The following MAP1A variants were observed in gnomAD, a reference collection of about 807,000 sequenced individuals.
MAP1A encodes the protein microtubule-associated protein 1A.
A neutral mutation model predicts 185.9 loss-of-function variants in MAP1A; 42 were observed. The ratio of observed to expected loss-of-function variants is 0.23; its 90% CI spans 0.18 to 0.29. MAP1A has a LOEUF of 0.29. Among genes scored for constraint, MAP1A ranks in the 10% least tolerant of loss-of-function variants. MAP1A has a pLI of 1.00. For synonymous variants in MAP1A, 1,229 were observed against 1,335.9 expected (o/e 0.92, Z 1.74); for missense variants, 2,995 against 3,450.4 (o/e 0.87, Z 3.31).
Position 43,517,629 on chromosome 15 carries a change from G to T in MAP1A, c.-446G>T, listed in dbSNP as rs1417433990. On this transcript the variant is annotated 5_prime_UTR_variant, in exon 1 of 6. Coordinates refer to ENST00000300231, the MANE Select transcript of MAP1A (RefSeq NM_002373.6). ...CCCCACTCCCACCCTAAGTGCTGCA[G>T]ACTCTTCCCTGAAGCTGCCGGCTGA... The T allele has an allele frequency of 1.1e-6, 1 of 933,964 alleles. No homozygotes were observed. The highest frequency in any genetic ancestry group is 1.2e-6 in the Non-Finnish European group (1 of 801,224). 57.9% of individuals were successfully genotyped at this position (933,964 alleles called of 1,614,324 possible).
chr15:43,511,824 C>T (rs1323640678), intron 1 of MAP1A, among the ~76,000 whole-genome samples: 1 of 152,176 alleles, frequency 6.6e-6, no homozygotes. Context: ...AACCTAGAAT[C>T]CTACTTAGCT....
Position 43,523,096 on chromosome 15 carries a change from G to A in MAP1A, c.1623G>A (p.Glu541=), listed in dbSNP as rs773156875. ...AGGACTTTGAGGAGATGAAGCGTGA[G>A]GAGAGGGCTTTGCTGGCTGAACAAA... ...LTQDFEEMKR[E]ERALLAEQRD... The change falls in exon 4 of 6, where the codon GAG becomes GAA. Residue 541 remains glutamate, a synonymous_variant. Transcript: ENST00000300231. 1.2e-6 allele frequency: 2 copies of A among 1,614,196 alleles called. No homozygotes were observed. The highest frequency in any genetic ancestry group is 3.3e-5 in the Admixed American group (2 of 60,024).
Position 43,522,726 on chromosome 15 carries a change from A to C in MAP1A, c.1253A>C (p.Lys418Thr), listed in dbSNP as rs2140205757. ...KISKLEEKKD[K>T]EKKEIKKERK... ...TCAAAGCTGGAAGAAAAAAAAGACA[A>C]GGAGAAAAAAGAGATCAAAAAGGAG... The change falls in exon 4 of 6, where the codon AAG becomes ACG. Residue 418 changes from lysine to threonine, a missense_variant. By Grantham distance (78) the Lys-to-Thr change is moderately conservative. This residue lies in a region of MAP1A where 2,728 missense variants were observed against 2,986.0 expected (regional missense o/e 0.91). Transcript: ENST00000300231. The surrounding 1 kb of genome is among the most constrained non-coding windows in gnomAD (Gnocchi z 5.9). 6.3e-7 allele frequency: 1 copy of C among 1,586,364 alleles called. No individual in the cohort carries two copies. The highest frequency in any genetic ancestry group is 2.3e-5 in the East Asian group (1 of 44,066).
upstream of MAP1A, among the ~76,000 whole-genome samples, chr15:43,516,566 G>C (rs569773649): frequency 6.6e-6 from 1 of 152,318 alleles, no homozygotes; most frequent in East Asian, 1.9e-4. Flanking sequence ...GGGTTGGAAG[G>C]AAGTGCTACC....
chr15:43,524,103 C>T lies in MAP1A; in HGVS notation c.2630C>T (p.Ser877Phe), dbSNP rs1346820310. Residue 877 changes from serine to phenylalanine, a missense_variant, in exon 4 of 6, where the codon TCC becomes TTC. This residue lies in a region of MAP1A where 2,728 missense variants were observed against 2,986.0 expected (regional missense o/e 0.91). Transcript: ENST00000300231. ...CTTGACACAGTCACAAGCATCCCTT[C>T]CTCCCGTACTGAAGCTACGCAGGGC... ...LLLDTVTSIP[S>F]SRTEATQGLD... 1 of 1,614,032 alleles carries T rather than the reference C, an allele frequency of 6.2e-7. No individual in the cohort carries two copies. The highest frequency in any genetic ancestry group is 8.5e-7 in the Non-Finnish European group (1 of 1,180,042).
At position 43,524,887 on chromosome 15, in the gene MAP1A, C is replaced by G. The variant is rs2140207623; in HGVS notation, c.3414C>G (p.Leu1138=). 1.2e-6 allele frequency: 2 copies of G among 1,614,172 alleles called. No individual in the cohort carries two copies. Among genetic ancestry groups the G allele is most frequent in the Non-Finnish European group, 1.7e-6 (2 of 1,180,026 alleles). The stretch of plus-strand genomic sequence containing the variant: ...GCAAACCTCAGAAAGATGAGGTGCT[C>G]AGATATCCTGACCGAAGCCTCTCTC... ...EPGKPQKDEV[L]RYPDRSLSPE... The change falls in exon 4 of 6, where the codon CTC becomes CTG. Residue 1138 remains leucine (L), a synonymous_variant. Coordinates refer to ENST00000300231, the MANE Select transcript of MAP1A (RefSeq NM_002373.6).
At chr15:43,516,324 C>T (rs557680185), upstream of MAP1A, among the ~76,000 whole-genome samples, 7 of 152,314 alleles carry the variant, frequency 4.6e-5, no homozygotes, top group East Asian at 5.8e-4. Context: ...GACTCAGCTC[C>T]TCCTCTCCTC....
Position 43,529,536 on chromosome 15 carries a change from A to T in MAP1A, c.8035+28A>T. ...AAGTATATCATGAAACTTGGCAGAG[A>T]GTGTGGGTTAGGGCTGGGTGTGGGC... On this transcript the variant is annotated intron_variant, in intron 4 of 5. Coordinates refer to ENST00000300231, the MANE Select transcript of MAP1A (RefSeq NM_002373.6). The surrounding 1 kb of genome is among the most constrained non-coding windows in gnomAD (Gnocchi z 4.3). 1 of 1,600,184 alleles carries T rather than the reference A, an allele frequency of 6.2e-7. No homozygotes were observed. Among genetic ancestry groups the T allele is most frequent in the East Asian group, 2.2e-5 (1 of 44,676 alleles).
upstream of MAP1A, among the ~76,000 whole-genome samples, chr15:43,516,555 C>T (rs1012961349): frequency 2.0e-5 from 3 of 152,106 alleles, no homozygotes; most frequent in Non-Finnish European, 2.9e-5. Flanking sequence ...TGAGCATCCT[C>T]GGGTTGGAAG....
rs752583617 is a variant in MAP1A, at chr15:43,527,362, A to C, written c.5889A>C (p.Arg1963Ser). The change falls in exon 4 of 6, where the codon AGA becomes AGC. Residue 1963 changes from arginine to serine, a missense_variant. Around this residue, in one of 3 missense-constraint regions of MAP1A, gnomAD observed 2,728 missense variants for 2,986.0 expected, o/e 0.91. Coordinates refer to ENST00000300231, the MANE Select transcript of MAP1A (RefSeq NM_002373.6). ...QREPTPYPDE[R>S]SFQYADIYEQ... is the part of the protein sequence containing the mutation. The stretch of plus-strand genomic sequence containing the variant: ...AGCCCACACCCTATCCTGATGAGAG[A>C]AGCTTTCAGTATGCAGACATCTATG... 7 of 1,614,042 alleles carry C rather than the reference A, an allele frequency of 4.3e-6. No individual in the cohort carries two copies. The highest frequency in any genetic ancestry group is 2.7e-5 in the African/African-American group (2 of 74,904).
chr15:43,523,656 C>T lies in MAP1A; in HGVS notation c.2183C>T (p.Ala728Val). ...FLSSLTTPAG[A>V]TEHVSYIQDE... ...AGCAGCCTGACCACACCTGCAGGAG[C>T]CACTGAGCATGTCTCTTACATCCAG... Residue 728 changes from alanine to valine, a missense_variant, in exon 4 of 6, where the codon GCC becomes GTC. By Grantham distance (64) the Ala-to-Val change is moderately conservative. Transcript: ENST00000300231. 1 of 1,614,024 alleles carries T rather than the reference C, an allele frequency of 6.2e-7. No homozygotes were observed. The highest frequency in any genetic ancestry group is 1.3e-5 in the African/African-American group (1 of 75,036).
chr15:43,517,205 T>C (rs1375788519), upstream of MAP1A, among the ~76,000 whole-genome samples: 3 of 151,974 alleles, frequency 2.0e-5, no homozygotes, highest in African/African-American at 4.8e-5. Context: ...TGTCTCCTGC[T>C]CCTCCAGGGA....
Position 43,529,478 on chromosome 15 carries a change from G to C in MAP1A, c.8005G>C (p.Gly2669Arg). Residue 2669 changes from glycine to arginine, a missense_variant, in exon 4 of 6, where the codon GGC (glycine) becomes CGC (arginine). Coordinates refer to ENST00000300231, the MANE Select transcript of MAP1A (RefSeq NM_002373.6). The surrounding 1 kb of genome is among the most constrained non-coding windows in gnomAD (Gnocchi z 4.3). ...EKDGHSPMSK[G>R]LVNGLKAGPM... ...GGATGGACACAGCCCCATGTCCAAA[G>C]GCCTAGTCAATGGACTCAAGGCAGG... The C allele has an allele frequency of 6.2e-7, 1 of 1,610,718 alleles. No homozygotes were observed. The highest frequency in any genetic ancestry group is 1.1e-5 in the South Asian group (1 of 90,838).
chr15:43,527,000 C>T lies in MAP1A; in HGVS notation c.5527C>T (p.Pro1843Ser). 3.1e-6 allele frequency: 5 copies of T among 1,612,132 alleles called. No individual in the cohort carries two copies. Among genetic ancestry groups the T allele is most frequent in the Non-Finnish European group, 4.2e-6 (5 of 1,178,974 alleles). ...TACTCCCTCATGGCTGGCTGACATC[C>T]CACCCTGGGTGCCCAAGGACAGACC... Reference protein sequence around the residue: ...PTTPSWLADIPPWVPKDRPLP... With the variant: ...PTTPSWLADISPWVPKDRPLP... The change falls in exon 4 of 6, where the codon CCA becomes TCA. Residue 1843 changes from proline (P) to serine (S), a missense_variant. This residue lies in a region of MAP1A where 2,728 missense variants were observed against 2,986.0 expected (regional missense o/e 0.91). Coordinates refer to ENST00000300231, the MANE Select transcript of MAP1A (RefSeq NM_002373.6). This position sits in a 1 kb window ranked among gnomAD's most constrained non-coding sequence, Gnocchi z 4.7.
At chr15:43,511,825 C>T (rs1231537943) in intron 1 of MAP1A, among the ~76,000 whole-genome samples, 1 of 152,184 alleles carries the variant, frequency 6.6e-6, no homozygotes. Flanking sequence ...ACCTAGAATC[C>T]TACTTAGCTG....
exon 2 of MAP1A, chr15:43,512,268 C>T: frequency 6.5e-7 from 1 of 1,545,334 alleles, no homozygotes; most frequent in Non-Finnish European, 8.8e-7. Context: ...CGGCACCTAG[C>T]TCACTTCTCC....
At position 43,523,663 on chromosome 15, in the gene MAP1A, G is replaced by T. The variant is rs2079329713; in HGVS notation, c.2190G>T (p.Glu730Asp). The T allele has an allele frequency of 6.2e-7, 1 of 1,613,924 alleles. No individual in the cohort carries two copies. Among genetic ancestry groups the T allele is most frequent in the Non-Finnish European group, 8.5e-7 (1 of 1,179,966 alleles). The change falls in exon 4 of 6, where the codon GAG (glutamate) becomes GAT (aspartate). Residue 730 changes from glutamate to aspartate, a missense_variant. Physicochemically the swap from Glu to Asp is conservative, Grantham distance 45. Coordinates refer to ENST00000300231, the MANE Select transcript of MAP1A (RefSeq NM_002373.6). ...SSLTTPAGAT[E>D]HVSYIQDETI... ...TGACCACACCTGCAGGAGCCACTGA[G>T]CATGTCTCTTACATCCAGGATGAGA...
Position 43,518,712 on chromosome 15 carries a change from C to CCG in MAP1A, c.-375+1013_-375+1014insGC, listed in dbSNP as rs1566976463. 2.3e-5 allele frequency among the ~76,000 whole-genome samples: 3 copies of CCG among 132,832 alleles called. 1 individual carries two copies. The highest frequency in any genetic ancestry group is 9.8e-5 in the African/African-American group (3 of 30,466). 87.1% of individuals were successfully genotyped at this position (132,832 alleles called of 152,430 possible). A position where few individuals can be genotyped will look rare whatever the true frequency, so the allele number is the denominator to read the frequency against. ...TCAGCCTCTGCACCGCAGCCCACCCCCCCCCGCAACTCCAGCACTGGCTGA... is the reference window on the plus strand; with the variant it reads ...TCAGCCTCTGCACCGCAGCCCACCCCCGCCCCCGCAACTCCAGCACTGGCTGA... On this transcript the variant is annotated intron_variant, in intron 1 of 5. Coordinates refer to ENST00000300231, the MANE Select transcript of MAP1A (RefSeq NM_002373.6).
At position 43,522,568 on chromosome 15, in the gene MAP1A, G is replaced by A; in HGVS notation, c.1095G>A (p.Glu365=). ...ELAKTEKKAK[E]SSEKPPEKPA... ...CCAAGACAGAGAAGAAGGCAAAAGA[G>A]TCATCTGAGAAGCCCCCAGAGAAGC... Residue 365 remains glutamate (E), a synonymous_variant, in exon 4 of 6, where the codon GAG becomes GAA. Coordinates refer to ENST00000300231, the MANE Select transcript of MAP1A (RefSeq NM_002373.6). This position sits in a 1 kb window ranked among gnomAD's most constrained non-coding sequence, Gnocchi z 5.9. 1 of 1,611,290 alleles carries A rather than the reference G, an allele frequency of 6.2e-7. No individual in the cohort carries two copies. Among genetic ancestry groups the A allele is most frequent in the Non-Finnish European group, 8.5e-7 (1 of 1,178,562 alleles).
Sources: gnomAD v4.1 joint callset for allele counts (sites outside exome capture counted in the v4.1 genomes callset) on GRCh38, gnomAD v4.1.1 for gene constraint, gnomAD v4.1.1 regional missense constraint, Gnocchi (gnomAD v3.1) non-coding constraint, MANE v1.5 for transcripts, NCBI Gene and HGNC (gene_info 2026-07-23, HGNC 2026-07-21) for gene names.